Variants in USP33 observed in about 807,000 individuals in gnomAD.
The protein encoded by USP33 is ubiquitin specific peptidase 33, also known as ubiquitin carboxyl-terminal hydrolase 33.
A neutral mutation model predicts 124.2 loss-of-function variants in USP33; 46 were observed. The observed-to-expected ratio is 0.37, with a 90% CI of 0.29 to 0.47. USP33 has a LOEUF of 0.47. USP33 is among the 20% of genes least tolerant of loss of function. The pLI, the probability that USP33 is intolerant of heterozygous loss-of-function variation, is 0.99. For synonymous variants in USP33, 350 were observed against 352.3 expected (o/e 0.99, Z 0.07); for missense variants, 851 against 1,070.6 (o/e 0.79, Z 2.86).
At chr1:77,722,287 G>A (rs1676649408) in intron 12 of USP33, 91 bp from the exon 13 acceptor site, 3 of 1,120,646 alleles carry the variant, frequency 2.7e-6, no homozygotes, top group Non-Finnish European at 1.2e-6. Context: ...ATCAAAGCAT[G>A]TTTAAATAAG....
rs1412732076 is a variant in USP33 at position 77,728,417 on chromosome 1, C to T, written c.1013G>A (p.Cys338Tyr). The T allele has an allele frequency of 1.9e-6, 3 of 1,614,038 alleles. No individual in the cohort carries two copies. Among genetic ancestry groups the T allele is most frequent in the Non-Finnish European group, 2.5e-6 (3 of 1,179,998 alleles). The change falls in exon 10 of 24, where the codon TGC (cysteine) becomes TAC (tyrosine). Residue 338 changes from cysteine to tyrosine, a missense_variant. Cys to Tyr is a radical substitution (Grantham distance 194). This residue lies in a region of USP33 where 207 missense variants were observed against 200.9 expected (regional missense o/e 1.03). Coordinates refer to ENST00000370794, the MANE Select transcript of USP33 (RefSeq NM_201624.3). ...MSKDWQKEKMCNKINKVNSEG... is the reference protein window; with the variant it reads ...MSKDWQKEKMYNKINKVNSEG... ...AGAATTTACTTTATTAATCTTATTGCACATCTTCTCTTTTTGCCAATCCTT... is the reference window on the plus strand; with the variant it reads ...AGAATTTACTTTATTAATCTTATTGTACATCTTCTCTTTTTGCCAATCCTT...
intron 1 of USP33, 88 bp downstream of exon 1, chr1:77,759,555 G>A (rs1681130843): frequency 2.5e-6 from 1 of 398,084 alleles, no homozygotes; most frequent in Non-Finnish European, 4.4e-6. Context: ...CGCAACCCCA[G>A]CGCGCGGAAG....
chr1:77,712,445 A>C (rs1487646143), intron 20 of USP33, among the ~76,000 whole-genome samples: 1 of 151,990 alleles, frequency 6.6e-6, no homozygotes, highest in East Asian at 1.9e-4. Context: ...ATCGCTTGAA[A>C]CTGGGAGGCA....
chr1:77,731,134 C>T (rs1677756796), intron 7 of USP33, among the ~76,000 whole-genome samples: 1 of 152,158 alleles, frequency 6.6e-6, no homozygotes, highest in Admixed American at 6.5e-5. Context: ...GGACTTGATC[C>T]TATGACATTT....
chr1:77,741,568 C>G (rs1679118728), intron 2 of USP33, 49 bp downstream of exon 2: 1 of 1,552,762 alleles, frequency 6.4e-7, no homozygotes, highest in African/African-American at 1.4e-5. Flanking sequence ...ATTACACATT[C>G]AAGAGAAAAG....
At chr1:77,726,646 A>AG (rs893233501) in intron 10 of USP33, among the ~76,000 whole-genome samples, 1 of 117,738 alleles carries the variant, frequency 8.5e-6, no homozygotes, top group Non-Finnish European at 1.6e-5. Context: ...ACCCTGTTTC[A>AG]GGAAAAAAAA....
chr1:77,739,160 G>A (rs1187050104), intron 5 of USP33, 105 bp downstream of exon 5: 1 of 1,339,570 alleles, frequency 7.5e-7, no homozygotes, highest in Non-Finnish European at 1.0e-6. Context: ...AATTTTCAAA[G>A]TACAGGTTAG....
intron 1 of USP33, among the ~76,000 whole-genome samples, chr1:77,749,456 A>G (rs1680078935): frequency 6.6e-6 from 1 of 151,486 alleles, no homozygotes; most frequent in South Asian, 2.1e-4. Flanking sequence ...ATCTTGGCTC[A>G]CTGCAACCTC....
rs1307826787 is a variant in USP33, at chr1:77,711,802, A to G, written c.2351T>C (p.Ile784Thr). 1 of 1,610,530 alleles carries G rather than the reference A, an allele frequency of 6.2e-7. No homozygotes were observed. The stretch of plus-strand genomic sequence containing the variant: ...TCTTTTTTCAATTTTCTCCGCCTCA[A>G]TTTGGCAAGTATGACAAATGTACAG... The part of the protein sequence containing the change: ...NHLYICHTCQ[I>T]EAEKIEKRRK... Residue 784 changes from isoleucine to threonine, a missense_variant, in exon 21 of 24, where the codon ATT becomes ACT. This residue lies in a region of USP33 where 281 missense variants were observed against 425.0 expected (regional missense o/e 0.66). Transcript: ENST00000370794.
intron 16 of USP33, 65 bp downstream of exon 16, chr1:77,718,531 T>C: frequency 8.0e-7 from 1 of 1,244,656 alleles, no homozygotes. Context: ...ATTACTACAT[T>C]TTGTTACATT....
chr1:77,748,779 T>TCCCCC lies in USP33; in HGVS notation c.-51-7036_-51-7032dup, dbSNP rs1553201472. On this transcript the variant is annotated intron_variant, in intron 1 of 23. Transcript: ENST00000370794. ...TTCTTTTTTGGCAGCATTCCTTCCC[T>TCCCCC]CCCCCCCCCCCCCGTGCTTGAATCA... Among the ~76,000 whole-genome samples, 58 of 47,640 alleles carry TCCCCC rather than the reference T, an allele frequency of 1.2e-3. 1 individual carries two copies. Among genetic ancestry groups the TCCCCC allele is most frequent in the Non-Finnish European group, 1.8e-3 (44 of 25,012 alleles). The allele number at this position is 47,640 out of a possible 152,430, so 31.3% of individuals were successfully genotyped here. A position where few individuals can be genotyped will look rare whatever the true frequency, so the allele number is the denominator to read the frequency against.
At chr1:77,755,767 T>C (rs1430335302) in intron 1 of USP33, among the ~76,000 whole-genome samples, 1 of 152,218 alleles carries the variant, frequency 6.6e-6, no homozygotes, top group Non-Finnish European at 1.5e-5. Context: ...GAAATGGTCT[T>C]ATTTTAGGTC....
intron 11 of USP33, among the ~76,000 whole-genome samples, chr1:77,725,049 CA>C (rs199676040): frequency 1.3e-5 from 2 of 149,090 alleles, no homozygotes; most frequent in African/African-American, 2.5e-5. Flanking sequence ...CAAAACAAAA[CA>C]AAAAAAAAGA....
Position 77,713,204 on chromosome 1 carries a change from T to C in USP33, c.2293A>G (p.Ser765Gly). 1.3e-6 allele frequency: 2 copies of C among 1,596,054 alleles called. No homozygotes were observed. The highest frequency in any genetic ancestry group is 2.3e-5 in the East Asian group (1 of 43,852). The stretch of plus-strand genomic sequence containing the variant: ...GGTCTGATTTAAAAAACAAACCTGC[T>C]ATATAGGTTATCCCAAATGTTCTGA... ...LPQNIWDNLY[S>G]RYGGGPAVNH... Residue 765 changes from serine (S) to glycine (G), a missense_variant, in exon 20 of 24, where the codon AGC (serine) becomes GGC (glycine). Physicochemically the swap from Ser to Gly is moderately conservative, Grantham distance 56. Transcript: ENST00000370794.
Position 77,725,719 on chromosome 1 carries a change from C to G in USP33, c.1179G>C (p.Gln393His). Residue 393 changes from glutamine (Q) to histidine (H), a missense_variant, in exon 11 of 24, where the codon CAG (glutamine) becomes CAC (histidine). This residue lies in a region of USP33 where 207 missense variants were observed against 200.9 expected (regional missense o/e 1.03). Coordinates refer to ENST00000370794, the MANE Select transcript of USP33 (RefSeq NM_201624.3). The stretch of plus-strand genomic sequence containing the variant: ...TAACACCTTCATTTGATGGAAGGAT[C>G]TGTGGTGTAGACAGGTCATTCGAAT... The part of the protein sequence containing the change: ...DVHSNDLSTP[Q>H]ILPSNEGVNP... The G allele has an allele frequency of 1.2e-6, 2 of 1,614,070 alleles. No homozygotes were observed. The highest frequency in any genetic ancestry group is 1.7e-6 in the Non-Finnish European group (2 of 1,179,996).
At chr1:77,704,907 T>A (rs1165986437) in intron 21 of USP33, among the ~76,000 whole-genome samples, 2 of 152,184 alleles carry the variant, frequency 1.3e-5, no homozygotes, top group African/African-American at 2.4e-5. Context: ...CCTGGTACAG[T>A]GCAACAGGCA....
intron 14 of USP33, 74 bp downstream of exon 14, chr1:77,721,755 TAC>T: frequency 7.4e-7 from 1 of 1,346,846 alleles, no homozygotes; most frequent in Non-Finnish European, 1.0e-6. Flanking sequence ...CTTTTATGAA[TAC>T]ACTTTATTAT....
chr1:77,731,076 C>T (rs1319919695), intron 7 of USP33, among the ~76,000 whole-genome samples: 1 of 152,194 alleles, frequency 6.6e-6, no homozygotes, highest in African/African-American at 2.4e-5. Context: ...CCTTTTCCCT[C>T]TCTATTGCTC....
intron 21 of USP33, among the ~76,000 whole-genome samples, chr1:77,704,070 A>G (rs1674341648): frequency 6.6e-6 from 1 of 151,918 alleles, no homozygotes; most frequent in Non-Finnish European, 1.5e-5. Flanking sequence ...AGCTGTGATC[A>G]TGCCACCGTG....
Sources: gnomAD v4.1 joint callset for allele counts (sites outside exome capture counted in the v4.1 genomes callset) on GRCh38, gnomAD v4.1.1 for gene constraint, gnomAD v4.1.1 regional missense constraint, MANE v1.5 for transcripts, NCBI Gene and HGNC (gene_info 2026-07-23, HGNC 2026-07-21) for gene names.